RANBP2: variants seen among roughly 807,000 people sequenced by gnomAD.
RANBP2 encodes the protein E3 SUMO-protein ligase RanBP2.
RANBP2 carries 57 observed loss-of-function variants against 303.6 expected under a neutral mutation model. That is an observed-to-expected ratio of 0.19 (90% CI 0.15 to 0.23). The LOEUF is 0.23. Among genes scored for constraint, RANBP2 ranks in the 10% least tolerant of loss-of-function variants. The pLI is 1.00. For synonymous variants in RANBP2, 1,167 were observed against 1,301.5 expected, an observed-to-expected ratio of 0.90 and a Z score of 2.23; for missense variants, 3,138 against 3,780.8, an observed-to-expected ratio of 0.83 and a Z score of 4.46.
the RANBP2 span, among the ~76,000 whole-genome samples, chr2:109,696,030 C>T: frequency 6.6e-6 from 1 of 152,030 alleles, no homozygotes. Context: ...GTGGCCTGGT[C>T]TCAGCTCACT....
the RANBP2 span, among the ~76,000 whole-genome samples, chr2:109,091,323 C>T: frequency 6.6e-6 from 1 of 152,148 alleles, no homozygotes; most frequent in Non-Finnish European, 1.5e-5. Context: ...TTGGTGTCCT[C>T]TCCTTTTACA....
At chr2:109,680,839 G>A in the RANBP2 span, among the ~76,000 whole-genome samples, 2 of 152,202 alleles carry the variant, frequency 1.3e-5, no homozygotes, top group Non-Finnish European at 2.9e-5. Flanking sequence ...ACAGCACCCA[G>A]TGTTGGCAAG....
the RANBP2 span, chr2:109,614,265 A>C: frequency 1.6e-6 from 1 of 613,324 alleles, no homozygotes; most frequent in Non-Finnish European, 2.2e-6. Flanking sequence ...GGGGAGCGGA[A>C]GTGGGCGTGG....
At chr2:109,564,225 A>G in the RANBP2 span, 8 of 709,492 alleles carry the variant, frequency 1.1e-5, no homozygotes, top group Non-Finnish European at 1.6e-5. Context: ...AAGAAGCACA[A>G]TAATTAGTCA....
At chr2:109,387,394 G>A in the RANBP2 span, among the ~76,000 whole-genome samples, 1 of 152,162 alleles carries the variant, frequency 6.6e-6, no homozygotes, top group Non-Finnish European at 1.5e-5. Context: ...AGAAGCTTCA[G>A]CACTAGTTGA....
chr2:108,760,303 C>G (rs1191564709), intron 18 of RANBP2, among the ~76,000 whole-genome samples: 1 of 152,024 alleles, frequency 6.6e-6, no homozygotes, highest in Non-Finnish European at 1.5e-5. Context: ...AGATTGTTAC[C>G]ATGTTACTAT....
At chr2:109,149,879 A>AT in the RANBP2 span, among the ~76,000 whole-genome samples, 7 of 152,144 alleles carry the variant, frequency 4.6e-5, no homozygotes, top group African/African-American at 1.2e-4. Context: ...GCTCGTGGAT[A>AT]TTTTTTGTCC....
At chr2:109,491,021 G>A in the RANBP2 span, 2 of 1,293,102 alleles carry the variant, frequency 1.5e-6, no homozygotes, top group East Asian at 5.4e-5. Context: ...CAGGGACACT[G>A]TGGCCTTGCT....
chr2:109,258,961 C>T, the RANBP2 span, among the ~76,000 whole-genome samples: 6 of 152,202 alleles, frequency 3.9e-5, no homozygotes, highest in African/African-American at 7.2e-5. Context: ...ATTCTGCCCA[C>T]GGGGCATCCG....
At chr2:109,012,364 G>A in the RANBP2 span, among the ~76,000 whole-genome samples, 1 of 152,180 alleles carries the variant, frequency 6.6e-6, no homozygotes, top group East Asian at 1.9e-4. Context: ...ATTCCCAGCG[G>A]TGGCTCTGTC....
the RANBP2 span, chr2:108,791,416 A>G: frequency 1.1e-5 from 5 of 452,614 alleles, no homozygotes; most frequent in African/African-American, 4.1e-5. Context: ...CCTTAGCTGT[A>G]GAATATACCA....
the RANBP2 span, among the ~76,000 whole-genome samples, chr2:109,223,890 C>T: frequency 3.9e-3 from 587 of 152,240 alleles, 8 homozygotes; most frequent in African/African-American, 0.013. Context: ...CCAGCTACTC[C>T]GGAGGCTGAG....
chr2:109,400,610 C>T, the RANBP2 span, among the ~76,000 whole-genome samples: 1 of 151,836 alleles, frequency 6.6e-6, no homozygotes, highest in African/African-American at 2.4e-5. Context: ...TATATGCGTC[C>T]CTTCCACATA....
chr2:109,641,213 A>G, the RANBP2 span, among the ~76,000 whole-genome samples: 1 of 152,070 alleles, frequency 6.6e-6, no homozygotes, highest in Non-Finnish European at 1.5e-5. Flanking sequence ...ATCTTGGCTC[A>G]CTGCAACCTC....
At chr2:109,611,208 T>A in the RANBP2 span, among the ~76,000 whole-genome samples, 1 of 152,066 alleles carries the variant, frequency 6.6e-6, no homozygotes, top group African/African-American at 2.4e-5. Flanking sequence ...ATAACATAAA[T>A]GTAAAACATA....
the RANBP2 span, among the ~76,000 whole-genome samples, chr2:109,064,791 G>A: frequency 6.6e-6 from 1 of 152,094 alleles, no homozygotes; most frequent in Non-Finnish European, 1.5e-5. Flanking sequence ...TTGAAATGGG[G>A]GCCTCTGTTG....
At chr2:109,526,572 A>G in the RANBP2 span, among the ~76,000 whole-genome samples, 1 of 152,124 alleles carries the variant, frequency 6.6e-6, no homozygotes, top group Non-Finnish European at 1.5e-5. Context: ...TTGGTCTCCC[A>G]AAGTGCTCGG....
At chr2:108,807,736 G>C in the RANBP2 span, among the ~76,000 whole-genome samples, 1 of 152,116 alleles carries the variant, frequency 6.6e-6, no homozygotes, top group Non-Finnish European at 1.5e-5. Flanking sequence ...TCCTGCCTCA[G>C]CCTCCCGAGT....
chr2:109,520,690 G>A, the RANBP2 span, among the ~76,000 whole-genome samples: 61 of 133,728 alleles, frequency 4.6e-4, no homozygotes, highest in Admixed American at 1.5e-3. Flanking sequence ...CAGCACTTTG[G>A]GAGGCCAAGG....
Sources: gnomAD v4.1 joint callset for allele counts (sites outside exome capture counted in the v4.1 genomes callset) on GRCh38, gnomAD v4.1.1 for gene constraint, MANE v1.5 for transcripts, NCBI Gene and HGNC (gene_info 2026-07-23, HGNC 2026-07-21) for gene names.